The following RAC2 variants were observed in gnomAD, a reference collection of about 807,000 sequenced individuals.
RAC2 encodes ras-related C3 botulinum toxin substrate 2.
RAC2 carries 1 observed loss-of-function variant against 24.0 expected under a neutral mutation model. The observed-to-expected ratio is 0.04, with a 90% confidence interval of 0.01 to 0.20. RAC2 has a LOEUF of 0.20. Ranked by LOEUF, RAC2 falls within the 10% of genes least tolerant of loss-of-function variation. The probability of loss-of-function intolerance (pLI) is 1.00; values close to 1 mark genes in which losing one functional copy is unlikely to be tolerated. For missense variants in RAC2, 130 were observed against 259.1 expected, an observed-to-expected ratio of 0.50 and a Z score of 3.42; for synonymous variants, 114 against 106.8, an observed-to-expected ratio of 1.07 and a Z score of -0.41.
At chr22:37,232,584 AGATGGGCACATT>A (rs1309931210) in intron 3 of RAC2, 1 of 585,268 alleles carries the variant, frequency 1.7e-6, no homozygotes, top group Admixed American at 2.7e-5. Context: ...TGGGGTGGGA[AGATGGGCACATT>A]GAGGACCGGG....
chr22:37,226,543 C>G, intron 6 of RAC2, 128 bp downstream of exon 6: 1 of 1,278,518 alleles, frequency 7.8e-7, no homozygotes, highest in South Asian at 1.4e-5. Flanking sequence ...GCTGCGGAAA[C>G]TGAGGCAACC....
intron 6 of RAC2, among the ~76,000 whole-genome samples, chr22:37,226,427 C>T (rs979627818): frequency 1.1e-4 from 17 of 152,132 alleles, no homozygotes; most frequent in African/African-American, 4.1e-4. Context: ...ACACCCACTC[C>T]CTGGCCCGGG....
rs1927047269 is a variant in RAC2 at position 37,231,168 on chromosome 22, C to T, written c.448+63G>A. ...CCTGCAGCCCGTGTTTACAATCACA[C>T]CACGAGGCCAAGTCAGGGCCTCCCC... On this transcript the variant is annotated intron_variant, in intron 5 of 6. Coordinates refer to ENST00000249071, the MANE Select transcript of RAC2 (RefSeq NM_002872.5). The surrounding 1 kb of genome is among the most constrained non-coding windows in gnomAD (Gnocchi z 5.5). 1.9e-5 allele frequency: 30 copies of T among 1,592,072 alleles called. No homozygotes were observed. The highest frequency in any genetic ancestry group is 2.6e-5 in the Non-Finnish European group (30 of 1,162,432).
rs575863356 is a variant in RAC2 at position 37,244,019 on chromosome 22, T to C, written c.35+95A>G. On this transcript the variant is annotated intron_variant, in intron 1 of 6. Coordinates refer to ENST00000249071, the MANE Select transcript of RAC2 (RefSeq NM_002872.5). ...AAGCTGCCTTCCAGGGACGCCTAGT[T>C]CTGCAGGGCCAGGGGCTTCCCCAGG... 1.2e-5 allele frequency: 18 copies of C among 1,539,958 alleles called. No individual in the cohort carries two copies. In the East Asian group the frequency reaches 3.8e-4, roughly 33 times the overall value.
intron 3 of RAC2, chr22:37,232,374 C>A: frequency 2.4e-6 from 1 of 423,548 alleles, no homozygotes; most frequent in Non-Finnish European, 4.4e-6. Context: ...TACTATCCAC[C>A]ATCTGATTAC....
chr22:37,237,414 C>T (rs1031921022), intron 2 of RAC2, among the ~76,000 whole-genome samples: 1 of 151,980 alleles, frequency 6.6e-6, no homozygotes, highest in African/African-American at 2.4e-5. Context: ...GAACAGAATA[C>T]CCAACAGAAG....
chr22:37,232,111 G>T, intron 3 of RAC2, 117 bp from the exon 4 acceptor site: 1 of 1,021,360 alleles, frequency 9.8e-7, no homozygotes, highest in Non-Finnish European at 1.5e-6. Context: ...AGGGAATGCT[G>T]GGGACTTAGG....
chr22:37,240,991 G>T, intron 2 of RAC2: 1 of 716,376 alleles, frequency 1.4e-6, no homozygotes, highest in East Asian at 2.7e-5. Context: ...TGAGTGCCAT[G>T]CTAGGGAGTC....
At chr22:37,241,755 C>G in intron 1 of RAC2, 97 bp from the exon 2 acceptor site, 1 of 1,082,662 alleles carries the variant, frequency 9.2e-7, no homozygotes, top group South Asian at 1.3e-5. Context: ...TCAGCATCCA[C>G]CCAGCCTAGC....
At chr22:37,228,409 T>C (rs770668687) in intron 5 of RAC2, among the ~76,000 whole-genome samples, 2 of 152,202 alleles carry the variant, frequency 1.3e-5, no homozygotes, top group African/African-American at 4.8e-5. Context: ...TGACTTCCCA[T>C]GTCCATTTCA....
chr22:37,239,365 A>G (rs1249508698), intron 2 of RAC2, among the ~76,000 whole-genome samples: 2 of 152,228 alleles, frequency 1.3e-5, no homozygotes, highest in East Asian at 3.8e-4. Flanking sequence ...GCCCTGTGCA[A>G]TTGGATAGGT....
At chr22:37,232,104 G>GAA (rs1927084750) in intron 3 of RAC2, 110 bp from the exon 4 acceptor site, 2 of 1,092,146 alleles carry the variant, frequency 1.8e-6, no homozygotes, top group African/African-American at 3.1e-5. Flanking sequence ...ACACCCCAGG[G>GAA]AATGCTGGGG....
intron 5 of RAC2, among the ~76,000 whole-genome samples, chr22:37,229,576 G>C (rs1926993148): frequency 6.6e-6 from 1 of 152,186 alleles, no homozygotes; most frequent in South Asian, 2.1e-4. Context: ...CCCAGGGCTG[G>C]GGAGTCCAGG....
At chr22:37,233,581 C>A (rs1291336010) in intron 2 of RAC2, among the ~76,000 whole-genome samples, 1 of 152,230 alleles carries the variant, frequency 6.6e-6, no homozygotes, top group Non-Finnish European at 1.5e-5. Flanking sequence ...CTGCGCCCAG[C>A]CGCAATATTT....
chr22:37,235,551 T>A (rs1927197294), intron 2 of RAC2, among the ~76,000 whole-genome samples: 1 of 152,194 alleles, frequency 6.6e-6, no homozygotes, highest in Non-Finnish European at 1.5e-5. Flanking sequence ...CTCATTTGTT[T>A]GCCGCTGCAC....
At chr22:37,226,122 C>A in intron 6 of RAC2, 83 bp from the exon 7 acceptor site, 1 of 161,614 alleles carries the variant, frequency 6.2e-6, no homozygotes, top group Non-Finnish European at 1.4e-5. Flanking sequence ...CAGCTCATTC[C>A]CACCTCCAGG....
chr22:37,231,532 GGAGA>G lies in RAC2; in HGVS notation c.289-146_289-143del, dbSNP rs1050259601. On this transcript the variant is annotated intron_variant, in intron 4 of 6. Transcript: ENST00000249071. The surrounding 1 kb of genome is among the most constrained non-coding windows in gnomAD (Gnocchi z 5.5). Reference sequence around the variant, plus strand: ...AGATCAGAGGTGGGCACGACGGTGAGGAGAGAGAGACGTGAGGTGGCACAGGGAG... The same window carrying G: ...AGATCAGAGGTGGGCACGACGGTGAGGAGAGACGTGAGGTGGCACAGGGAG... 8.0e-6 allele frequency: 6 copies of G among 752,924 alleles called. No individual in the cohort carries two copies. The highest frequency in any genetic ancestry group is 5.0e-5 in the South Asian group (3 of 60,346). 46.6% of individuals were successfully genotyped at this position (752,924 alleles called of 1,614,324 possible).
chr22:37,233,042 G>C (rs549201412), intron 2 of RAC2, 124 bp from the exon 3 acceptor site: 1 of 737,060 alleles, frequency 1.4e-6, no homozygotes, highest in South Asian at 1.4e-5. Context: ...CTGGCCCAAA[G>C]TCACACAGCA....
At chr22:37,240,021 G>A (rs577605155) in intron 2 of RAC2, among the ~76,000 whole-genome samples, 1 of 152,308 alleles carries the variant, frequency 6.6e-6, no homozygotes, top group African/African-American at 2.4e-5. Flanking sequence ...GGCTTTCTAG[G>A]CTCTCTGCTA....
Sources: gnomAD v4.1 joint callset for allele counts (sites outside exome capture counted in the v4.1 genomes callset) on GRCh38, gnomAD v4.1.1 for gene constraint, Gnocchi (gnomAD v3.1) non-coding constraint, MANE v1.5 for transcripts, NCBI Gene and HGNC (gene_info 2026-07-23, HGNC 2026-07-21) for gene names.